The following C1orf198 variants were observed in gnomAD, a reference collection of about 807,000 sequenced individuals.
C1orf198 encodes the protein chromosome 1 open reading frame 198.
Under a neutral mutation model 31.4 loss-of-function variants are expected in C1orf198, and 17 were observed. The observed-to-expected ratio is 0.54, with a 90% CI of 0.37 to 0.81. The LOEUF is 0.81. C1orf198 is among the 40% of genes least tolerant of loss of function. The probability of loss-of-function intolerance (pLI) is 0.00; values close to 1 mark genes in which losing one functional copy is unlikely to be tolerated. For missense variants in C1orf198, 401 were observed against 450.3 expected (o/e 0.89, Z 0.99); for synonymous variants, 175 against 193.8 (o/e 0.90, Z 0.81).
intron 2 of C1orf198, 137 bp downstream of exon 2, chr1:230,855,531 T>C: frequency 1.1e-6 from 1 of 896,338 alleles, no homozygotes; most frequent in Non-Finnish European, 1.7e-6. Flanking sequence ...CCTCCTTTTC[T>C]ACCAACAATG....
At chr1:230,856,825 G>A (rs965377406) in intron 1 of C1orf198, among the ~76,000 whole-genome samples, 9 of 152,164 alleles carry the variant, frequency 5.9e-5, no homozygotes, top group African/African-American at 1.9e-4. Flanking sequence ...ATGTCCTTCC[G>A]TAAGTATCCC....
chr1:230,850,999 C>T (rs540377292), intron 2 of C1orf198, among the ~76,000 whole-genome samples: 7 of 151,968 alleles, frequency 4.6e-5, no homozygotes, highest in Non-Finnish European at 7.4e-5. Flanking sequence ...TGACCCACAG[C>T]GTGAACAGGG....
chr1:230,852,551 T>C (rs1669772865), intron 2 of C1orf198, among the ~76,000 whole-genome samples: 2 of 152,176 alleles, frequency 1.3e-5, no homozygotes, highest in Admixed American at 6.5e-5. Context: ...AATTTTTCAT[T>C]TGTCAATTAA....
At chr1:230,852,202 T>C (rs988542095) in intron 2 of C1orf198, among the ~76,000 whole-genome samples, 1 of 152,208 alleles carries the variant, frequency 6.6e-6, no homozygotes, top group Non-Finnish European at 1.5e-5. Flanking sequence ...GCTTTTGTGC[T>C]GAGTGAGATT....
At chr1:230,845,131 C>G (rs1304125786) in intron 2 of C1orf198, among the ~76,000 whole-genome samples, 3 of 150,562 alleles carry the variant, frequency 2.0e-5, no homozygotes, top group African/African-American at 7.4e-5. Flanking sequence ...CTTTGGGAGG[C>G]TAAGGATAGA....
chr1:230,855,752 C>G, intron 1 of C1orf198, 34 bp from the exon 2 acceptor site: 2 of 1,611,608 alleles, frequency 1.2e-6, no homozygotes, highest in Non-Finnish European at 1.7e-6. Context: ...GTCTGAAATT[C>G]AAACCCAGAC....
chr1:230,850,773 A>G (rs978797748), intron 2 of C1orf198, among the ~76,000 whole-genome samples: 1 of 151,992 alleles, frequency 6.6e-6, no homozygotes, highest in Admixed American at 6.5e-5. Context: ...ATGCAGCCCC[A>G]TGGTGTCCTG....
At chr1:230,848,563 A>G (rs929253260) in intron 2 of C1orf198, among the ~76,000 whole-genome samples, 4 of 152,242 alleles carry the variant, frequency 2.6e-5, no homozygotes, top group African/African-American at 7.2e-5. Flanking sequence ...TTCCCAACAC[A>G]TAGAAATTAA....
chr1:230,843,240 G>T lies in C1orf198; in HGVS notation c.927+114C>A. On this transcript the variant is annotated intron_variant, in intron 3 of 3. Coordinates refer to ENST00000366663, the MANE Select transcript of C1orf198 (RefSeq NM_032800.3). The surrounding 1 kb of genome is among the most constrained non-coding windows in gnomAD (Gnocchi z 4.9). Reference sequence around the variant, plus strand: ...TCCTCTGAGGAAGAGGCAGGGGAAGGAGAAGAAAAAGAGCATGGGCACCTG... The same window carrying T: ...TCCTCTGAGGAAGAGGCAGGGGAAGTAGAAGAAAAAGAGCATGGGCACCTG... 1 of 1,243,010 alleles carries T rather than the reference G, an allele frequency of 8.0e-7. No individual in the cohort carries two copies. The highest frequency in any genetic ancestry group is 1.1e-6 in the Non-Finnish European group (1 of 903,972). The allele number at this position is 1,243,010 out of a possible 1,614,324, so 77.0% of individuals were successfully genotyped here. A position where few individuals can be genotyped will look rare whatever the true frequency, so the allele number is the denominator to read the frequency against.
rs900561135 is a variant in C1orf198 at position 230,840,258 on chromosome 1, C to T, written c.928-350G>A. 1.3e-5 allele frequency among the ~76,000 whole-genome samples: 2 copies of T among 152,142 alleles called. No homozygotes were observed. The highest frequency in any genetic ancestry group is 4.8e-5 in the African/African-American group (2 of 41,426). ...AATTTATTCATCCTAAATAAGAGAA[C>T]AAATGATAAAGATATTCCTTCAAAT... is the stretch of plus-strand genomic sequence containing the variant. On this transcript the variant is annotated intron_variant, in intron 3 of 3. Coordinates refer to ENST00000366663, the MANE Select transcript of C1orf198 (RefSeq NM_032800.3). The surrounding 1 kb of genome is among the most constrained non-coding windows in gnomAD (Gnocchi z 4.0).
intron 1 of C1orf198, among the ~76,000 whole-genome samples, chr1:230,862,407 C>A (rs1221884958): frequency 6.6e-6 from 1 of 152,148 alleles, no homozygotes; most frequent in Non-Finnish European, 1.5e-5. Context: ...CTTACGTCCA[C>A]ACAAAAAACC....
At chr1:230,865,038 A>T (rs1670086164) in intron 1 of C1orf198, among the ~76,000 whole-genome samples, 1 of 152,166 alleles carries the variant, frequency 6.6e-6, no homozygotes, top group African/African-American at 2.4e-5. Context: ...AAAAGCATCC[A>T]TTTGCAAACC....
At chr1:230,850,084 G>A (rs944049049) in intron 2 of C1orf198, among the ~76,000 whole-genome samples, 4 of 152,206 alleles carry the variant, frequency 2.6e-5, no homozygotes, top group Non-Finnish European at 5.9e-5. Flanking sequence ...GGTTGTCAAG[G>A]TTAAGGGACA....
chr1:230,856,883 CT>C (rs1245651789), intron 1 of C1orf198, among the ~76,000 whole-genome samples: 1 of 152,224 alleles, frequency 6.6e-6, no homozygotes, highest in Admixed American at 6.5e-5. Context: ...CTCTGCGCCC[CT>C]AAGTCAAGGG....
intron 3 of C1orf198, among the ~76,000 whole-genome samples, chr1:230,842,736 A>G (rs1420489291): frequency 6.8e-6 from 1 of 147,590 alleles, no homozygotes; most frequent in Non-Finnish European, 1.5e-5. Flanking sequence ...GAAATAAAAA[A>G]TTTAAAAAAT....
Position 230,840,029 on chromosome 1 carries a change from T to C in C1orf198, c.928-121A>G. On this transcript the variant is annotated intron_variant, in intron 3 of 3. Coordinates refer to ENST00000366663, the MANE Select transcript of C1orf198 (RefSeq NM_032800.3). This position sits in a 1 kb window ranked among gnomAD's most constrained non-coding sequence, Gnocchi z 4.0. ...AAAGAGCCTACTTCTGTCTCAGAGGTTCCCTGACCTCAATTTATCTCAGTG... is the reference window on the plus strand; with the variant it reads ...AAAGAGCCTACTTCTGTCTCAGAGGCTCCCTGACCTCAATTTATCTCAGTG... 1 of 765,164 alleles carries C rather than the reference T, an allele frequency of 1.3e-6. No individual in the cohort carries two copies. Among genetic ancestry groups the C allele is most frequent in the Non-Finnish European group, 2.1e-6 (1 of 474,826 alleles). 47.4% of individuals were successfully genotyped at this position (765,164 alleles called of 1,614,324 possible).
At chr1:230,844,709 C>T (rs1669542218) in intron 2 of C1orf198, among the ~76,000 whole-genome samples, 1 of 152,168 alleles carries the variant, frequency 6.6e-6, no homozygotes, top group Non-Finnish European at 1.5e-5. Flanking sequence ...GAAAGGTGCA[C>T]ACTGCAACAA....
At chr1:230,845,090 G>C (rs1323917013) in intron 2 of C1orf198, among the ~76,000 whole-genome samples, 5 of 152,084 alleles carry the variant, frequency 3.3e-5, no homozygotes, top group South Asian at 2.1e-4. Context: ...TAATACGCCA[G>C]ATGTGGTGGC....
At chr1:230,847,270 CT>C (rs1669618311) in intron 2 of C1orf198, among the ~76,000 whole-genome samples, 1 of 146,284 alleles carries the variant, frequency 6.8e-6, no homozygotes, top group South Asian at 2.1e-4. Context: ...CAGAATGAGA[CT>C]CTGTCTCAAA....
Sources: allele counts gnomAD v4.1 joint callset (sites outside exome capture counted in the v4.1 genomes callset), GRCh38; gene constraint gnomAD v4.1.1; non-coding constraint Gnocchi (gnomAD v3.1); transcripts MANE v1.5; gene names NCBI Gene and HGNC (gene_info 2026-07-23, HGNC 2026-07-21).